The following RAC1 variants were observed in gnomAD, a reference collection of about 807,000 sequenced individuals.
The protein encoded by RAC1 is Rac family small GTPase 1.
Under a neutral mutation model 25.2 loss-of-function variants are expected in RAC1, and 2 were observed. The ratio of observed to expected loss-of-function variants is 0.08; its 90% CI spans 0.03 to 0.25. The LOEUF is 0.25. RAC1 is among the 10% of genes least tolerant of loss of function. The pLI is 1.00. For synonymous variants in RAC1, 88 were observed against 94.0 expected, an observed-to-expected ratio of 0.94 and a Z score of 0.37; for missense variants, 50 against 235.7, an observed-to-expected ratio of 0.21 and a Z score of 5.16.
chr7:6,381,608 T>G (rs560064555), intron 1 of RAC1, among the ~76,000 whole-genome samples: 18 of 152,282 alleles, frequency 1.2e-4, no homozygotes, highest in African/African-American at 4.3e-4. Flanking sequence ...CTGCCCAGGC[T>G]GGTCTTGAAC....
At chr7:6,392,168 G>T (rs1397572202) in intron 3 of RAC1, 127 bp downstream of exon 3, 2 of 1,503,148 alleles carry the variant, frequency 1.3e-6, no homozygotes, top group African/African-American at 2.8e-5. Context: ...ATAGCAAACA[G>T]GGTGGGATTG....
At position 6,400,258 on chromosome 7, in the gene RAC1, T is replaced by C. The variant is rs943097835; in HGVS notation, c.288+70T>C. ...TCTCAGAAATAAATACTTTAAAATA[T>C]CACTTAGCCTAGGAATTTTTAGTTA... is the stretch of plus-strand genomic sequence containing the variant. On this transcript the variant is annotated intron_variant, in intron 4 of 5. Coordinates refer to ENST00000348035, the MANE Select transcript of RAC1 (RefSeq NM_006908.5). 6.5e-6 allele frequency: 9 copies of C among 1,392,706 alleles called. No individual in the cohort carries two copies. In the South Asian group the frequency reaches 1.1e-4, roughly 17 times the overall value. The allele number at this position is 1,392,706 out of a possible 1,614,324, so 86.3% of individuals were successfully genotyped here. A position where few individuals can be genotyped will look rare whatever the true frequency, so the allele number is the denominator to read the frequency against.
At chr7:6,378,869 C>T (rs1782683078) in intron 1 of RAC1, among the ~76,000 whole-genome samples, 1 of 152,242 alleles carries the variant, frequency 6.6e-6, no homozygotes, top group Admixed American at 6.5e-5. Context: ...AGGCGGATTG[C>T]CTGAAGTCAG....
At chr7:6,379,331 G>A (rs1230602819) in intron 1 of RAC1, among the ~76,000 whole-genome samples, 1 of 142,368 alleles carries the variant, frequency 7.0e-6, no homozygotes, top group Non-Finnish European at 1.5e-5. Context: ...TTGGAGTGCA[G>A]TGGTGCGATC....
chr7:6,395,229 G>A (rs1783202341), intron 3 of RAC1, among the ~76,000 whole-genome samples: 1 of 152,214 alleles, frequency 6.6e-6, no homozygotes, highest in Non-Finnish European at 1.5e-5. Context: ...GCCTCCCAAA[G>A]TGCTGGGATT....
chr7:6,377,343 C>T (rs759402950), intron 1 of RAC1, among the ~76,000 whole-genome samples: 4 of 152,062 alleles, frequency 2.6e-5, no homozygotes, highest in Non-Finnish European at 4.4e-5. Flanking sequence ...ACCTGTAACC[C>T]AGCATTTTGG....
At chr7:6,397,240 CAAAAAAAAAA>C (rs375004213) in intron 3 of RAC1, among the ~76,000 whole-genome samples, 3 of 104,668 alleles carry the variant, frequency 2.9e-5, no homozygotes, top group East Asian at 4.9e-4. Context: ...GACTCTGTCT[CAAAAAAAAAA>C]AAGAAAAAAA....
At chr7:6,396,852 A>G (rs1356084539) in intron 3 of RAC1, among the ~76,000 whole-genome samples, 3 of 152,068 alleles carry the variant, frequency 2.0e-5, no homozygotes, top group Non-Finnish European at 4.4e-5. Flanking sequence ...AACACGTTGA[A>G]ACCTCGTCTC....
intron 4 of RAC1, among the ~76,000 whole-genome samples, chr7:6,400,474 T>C (rs1158673868): frequency 6.6e-6 from 1 of 151,840 alleles, no homozygotes; most frequent in Non-Finnish European, 1.5e-5. Context: ...GGACCATAAA[T>C]GTGCACCACC....
chr7:6,389,298 C>A (rs983119558), intron 2 of RAC1, among the ~76,000 whole-genome samples: 1 of 152,014 alleles, frequency 6.6e-6, no homozygotes, highest in Admixed American at 6.6e-5. Context: ...ACTTAAGTGG[C>A]CTCTTAGTAC....
chr7:6,396,925 G>C (rs1783252641), intron 3 of RAC1, among the ~76,000 whole-genome samples: 1 of 152,000 alleles, frequency 6.6e-6, no homozygotes, highest in Non-Finnish European at 1.5e-5. Flanking sequence ...AGCTACTCGG[G>C]AGGCTGAGGC....
At chr7:6,381,679 G>A (rs549879502) in intron 1 of RAC1, among the ~76,000 whole-genome samples, 2 of 152,174 alleles carry the variant, frequency 1.3e-5, no homozygotes, top group Non-Finnish European at 2.9e-5. Context: ...ACAGGCATGA[G>A]CCACCGTGCC....
At chr7:6,380,294 G>A (rs1005297326) in intron 1 of RAC1, among the ~76,000 whole-genome samples, 24 of 152,102 alleles carry the variant, frequency 1.6e-4, no homozygotes, top group African/African-American at 5.8e-4. Context: ...CCAAATGTAG[G>A]TGTAGTATAT....
chr7:6,384,228 AT>A (rs1782859619), intron 1 of RAC1, among the ~76,000 whole-genome samples: 1 of 152,070 alleles, frequency 6.6e-6, no homozygotes, highest in South Asian at 2.1e-4. Flanking sequence ...CAGCCCACTT[AT>A]GTTCACTGTC....
At chr7:6,375,286 C>T (rs2115178123) in intron 1 of RAC1, among the ~76,000 whole-genome samples, 1 of 152,116 alleles carries the variant, frequency 6.6e-6, no homozygotes, top group African/African-American at 2.4e-5. Context: ...GACGGGGTCT[C>T]GCTGTGTTGC....
chr7:6,375,131 A>AT (rs66555440), intron 1 of RAC1, among the ~76,000 whole-genome samples: 2 of 151,208 alleles, frequency 1.3e-5, no homozygotes, highest in African/African-American at 2.4e-5. Flanking sequence ...GGGACCCTTT[A>AT]TTTTTTTTGC....
chr7:6,391,085 A>G (rs955387628), intron 2 of RAC1, among the ~76,000 whole-genome samples: 1 of 152,118 alleles, frequency 6.6e-6, no homozygotes, highest in African/African-American at 2.4e-5. Flanking sequence ...TTTAGTAGAC[A>G]CAAAGTTTCG....
At chr7:6,384,094 C>G (rs923275038) in intron 1 of RAC1, among the ~76,000 whole-genome samples, 8 of 152,012 alleles carry the variant, frequency 5.3e-5, no homozygotes, top group African/African-American at 1.9e-4. Context: ...CGAGCCCAGC[C>G]AACCTTTATC....
At chr7:6,393,316 TTAA>T (rs1466051911) in intron 3 of RAC1, among the ~76,000 whole-genome samples, 1 of 152,184 alleles carries the variant, frequency 6.6e-6, no homozygotes, top group African/African-American at 2.4e-5. Flanking sequence ...CAGTGGATGT[TTAA>T]TAATTCAGAT....
Sources: gnomAD v4.1 joint callset for allele counts (sites outside exome capture counted in the v4.1 genomes callset) on GRCh38, gnomAD v4.1.1 for gene constraint, MANE v1.5 for transcripts, NCBI Gene and HGNC (gene_info 2026-07-23, HGNC 2026-07-21) for gene names.